CCSER1: variants seen among roughly 807,000 people sequenced by gnomAD.
The protein encoded by CCSER1 is coiled-coil serine rich protein 1.
Under a neutral mutation model 82.0 loss-of-function variants are expected in CCSER1, and 41 were observed. The observed-to-expected ratio is 0.50, with a 90% confidence interval of 0.39 to 0.65. The LOEUF is 0.65. CCSER1 is among the 30% of genes least tolerant of loss of function. The pLI is 0.00. For synonymous variants in CCSER1, 414 were observed against 383.9 expected (o/e 1.08, Z -0.92); for missense variants, 1,119 against 1,064.2 (o/e 1.05, Z -0.72).
chr4:91,249,873 T>C (rs905693230), intron 10 of CCSER1, among the ~76,000 whole-genome samples: 5 of 152,028 alleles, frequency 3.3e-5, no homozygotes, highest in Admixed American at 6.6e-5. Flanking sequence ...CTATTAATCT[T>C]AACTCCAAGA....
chr4:91,150,229 C>A (rs1037181101), intron 10 of CCSER1, among the ~76,000 whole-genome samples: 1 of 152,096 alleles, frequency 6.6e-6, no homozygotes, highest in African/African-American at 2.4e-5. Flanking sequence ...GTATTTTATT[C>A]TCTGTGAAGA....
At chr4:91,386,502 A>G (rs1751296924) in intron 10 of CCSER1, among the ~76,000 whole-genome samples, 1 of 151,732 alleles carries the variant, frequency 6.6e-6, no homozygotes, top group South Asian at 2.1e-4. Flanking sequence ...ATGGTACTAG[A>G]GTTGGAAAAT....
chr4:91,477,687 T>C (rs2110033363), intron 10 of CCSER1, among the ~76,000 whole-genome samples: 1 of 151,916 alleles, frequency 6.6e-6, no homozygotes, highest in African/African-American at 2.4e-5. Flanking sequence ...AAATTTATTA[T>C]AATAACTTCC....
chr4:90,287,784 ATTAC>A (rs979040829), intron 1 of CCSER1, among the ~76,000 whole-genome samples: 8 of 151,950 alleles, frequency 5.3e-5, no homozygotes, highest in Admixed American at 3.9e-4. Flanking sequence ...TGAAAAAGAA[ATTAC>A]TTACAAGTAA....
intron 9 of CCSER1, among the ~76,000 whole-genome samples, chr4:91,061,238 C>T (rs181514852): frequency 6.6e-6 from 1 of 151,402 alleles, no homozygotes; most frequent in East Asian, 1.9e-4. Flanking sequence ...TGTTAAATGA[C>T]TTATGTAATA....
intron 4 of CCSER1, among the ~76,000 whole-genome samples, chr4:90,427,848 G>C (rs1344511916): frequency 6.6e-6 from 1 of 151,726 alleles, no homozygotes; most frequent in African/African-American, 2.4e-5. Context: ...TACTCTTAAT[G>C]ATTAGAATGC....
intron 7 of CCSER1, among the ~76,000 whole-genome samples, chr4:90,748,867 C>A (rs1205884971): frequency 6.7e-6 from 1 of 149,360 alleles, no homozygotes; most frequent in East Asian, 2.0e-4. Context: ...GTCCTTTGCC[C>A]ACTTTTTTAT....
chr4:91,278,932 C>A (rs1186010563), intron 10 of CCSER1, among the ~76,000 whole-genome samples: 1 of 151,756 alleles, frequency 6.6e-6, no homozygotes, highest in Non-Finnish European at 1.5e-5. Context: ...CTCCCTTAAG[C>A]ATTTCCTGTA....
intron 5 of CCSER1, among the ~76,000 whole-genome samples, chr4:90,512,937 A>G (rs1771754181): frequency 6.6e-6 from 1 of 152,194 alleles, no homozygotes; most frequent in Non-Finnish European, 1.5e-5. Flanking sequence ...AATTTATGGT[A>G]AAATTCATTG....
At chr4:91,340,973 T>G (rs1414711243) in intron 10 of CCSER1, among the ~76,000 whole-genome samples, 1 of 152,208 alleles carries the variant, frequency 6.6e-6, no homozygotes, top group Non-Finnish European at 1.5e-5. Flanking sequence ...AAAGTTGGTC[T>G]CCTGAGCATA....
intron 9 of CCSER1, among the ~76,000 whole-genome samples, chr4:91,032,660 G>A (rs927217057): frequency 1.3e-5 from 2 of 152,186 alleles, no homozygotes; most frequent in Admixed American, 6.6e-5. Context: ...GCAGGAAATA[G>A]GGAGATACTG....
intron 3 of CCSER1, among the ~76,000 whole-genome samples, chr4:90,350,016 T>A (rs913211906): frequency 2.0e-5 from 3 of 152,132 alleles, no homozygotes; most frequent in Non-Finnish European, 4.4e-5. Flanking sequence ...GCCCTGGAAA[T>A]ACAGGAATGA....
chr4:91,526,437 C>G (rs1166047456), intron 10 of CCSER1, among the ~76,000 whole-genome samples: 1 of 152,100 alleles, frequency 6.6e-6, no homozygotes, highest in Non-Finnish European at 1.5e-5. Context: ...CCCTGACCAC[C>G]CTGGGGACAT....
At chr4:90,933,028 G>GA (rs749854478) in intron 9 of CCSER1, among the ~76,000 whole-genome samples, 1,261 of 86,990 alleles carry the variant, frequency 0.014, 300 homozygotes, top group Admixed American at 0.041. Context: ...AAGAAAGAAA[G>GA]AAAGAAAGAA....
chr4:91,413,542 G>C (rs945172311), intron 10 of CCSER1, among the ~76,000 whole-genome samples: 2 of 151,526 alleles, frequency 1.3e-5, no homozygotes, highest in African/African-American at 4.8e-5. Context: ...ATTAAAACAA[G>C]CATAAGGGAC....
chr4:90,155,183 T>A (rs948230680), intron 1 of CCSER1, among the ~76,000 whole-genome samples: 33 of 152,236 alleles, frequency 2.2e-4, no homozygotes, highest in African/African-American at 8.0e-4. Context: ...GGATTACATT[T>A]ATTGATTTGC....
chr4:90,384,146 T>G (rs913958510), intron 3 of CCSER1, among the ~76,000 whole-genome samples: 4 of 150,906 alleles, frequency 2.7e-5, no homozygotes, highest in African/African-American at 9.9e-5. Flanking sequence ...TTTTATTTTA[T>G]TTTTTTAATT....
At position 91,557,794 on chromosome 4, in the gene CCSER1, G is replaced by A. The variant is rs1015931403; in HGVS notation, c.2218-40778G>A. 2.0e-5 allele frequency among the ~76,000 whole-genome samples: 3 copies of A among 151,296 alleles called. No homozygotes were observed. In the South Asian group the frequency reaches 6.2e-4, roughly 31 times the overall value. ...AAAAGGTTTTGTAAAGATATATTAA[G>A]GTTGCAGTCATTGACAGTTGTTATA... On this transcript the variant is annotated intron_variant, in intron 10 of 10. Coordinates refer to ENST00000509176, the MANE Select transcript of CCSER1 (RefSeq NM_001145065.2).
intron 3 of CCSER1, among the ~76,000 whole-genome samples, chr4:90,328,770 C>T (rs1738691818): frequency 6.6e-6 from 1 of 152,114 alleles, no homozygotes; most frequent in African/African-American, 2.4e-5. Flanking sequence ...GGGACTGTGC[C>T]TCAGGCTGAA....
Sources: allele counts gnomAD v4.1 joint callset (sites outside exome capture counted in the v4.1 genomes callset), GRCh38; gene constraint gnomAD v4.1.1; transcripts MANE v1.5; gene names NCBI Gene and HGNC (gene_info 2026-07-23, HGNC 2026-07-21).